PCCA: variants seen among roughly 807,000 people sequenced by gnomAD.
PCCA encodes the protein propionyl-CoA carboxylase alpha chain, mitochondrial.
A neutral mutation model predicts 101.3 loss-of-function variants in PCCA; 74 were observed. The ratio of observed to expected loss-of-function variants is 0.73; its 90% confidence interval spans 0.61 to 0.89. The LOEUF (loss-of-function observed/expected upper bound fraction) is 0.89, where lower values mean the gene tolerates loss of function less well. Among genes scored for constraint, PCCA ranks in the 40% least tolerant of loss-of-function variants. PCCA has a pLI of 0.00. For missense variants in PCCA, 891 were observed against 907.0 expected, an observed-to-expected ratio of 0.98 and a Z score of 0.23; for synonymous variants, 294 against 313.6, an observed-to-expected ratio of 0.94 and a Z score of 0.66.
At chr13:100,254,291 G>C (rs1188005007) in intron 8 of PCCA, among the ~76,000 whole-genome samples, 2 of 152,112 alleles carry the variant, frequency 1.3e-5, no homozygotes. Flanking sequence ...GATTTGGGTG[G>C]GGACACAGAG....
chr13:100,152,220 G>T (rs183106915), intron 4 of PCCA, among the ~76,000 whole-genome samples: 7 of 152,252 alleles, frequency 4.6e-5, no homozygotes, highest in African/African-American at 1.2e-4. Context: ...CCTGAAGTAA[G>T]ATTTGTTCCT....
intron 16 of PCCA, among the ~76,000 whole-genome samples, chr13:100,327,510 T>C (rs2068829213): frequency 6.6e-6 from 1 of 152,244 alleles, no homozygotes. Flanking sequence ...GTTTTGATTA[T>C]AGTAAATAAA....
At chr13:100,137,804 C>CTTTTTTTTT (rs34819598) in intron 4 of PCCA, among the ~76,000 whole-genome samples, 2 of 144,370 alleles carry the variant, frequency 1.4e-5, no homozygotes, top group Non-Finnish European at 1.5e-5. Flanking sequence ...ATGTTTAAGT[C>CTTTTTTTTT]TTTTTTTTTT....
At chr13:100,399,892 T>C (rs2077234986) in intron 19 of PCCA, among the ~76,000 whole-genome samples, 1 of 152,146 alleles carries the variant, frequency 6.6e-6, no homozygotes, top group African/African-American at 2.4e-5. Context: ...CCCTTCCCAG[T>C]GCTCAGAGAA....
intron 19 of PCCA, among the ~76,000 whole-genome samples, chr13:100,386,806 T>C (rs2076534053): frequency 6.6e-6 from 1 of 152,232 alleles, no homozygotes; most frequent in African/African-American, 2.4e-5. Context: ...CTGGGACCCA[T>C]GGTTGCCTGT....
chr13:100,333,242 CTGTT>C (rs574363130), intron 17 of PCCA, among the ~76,000 whole-genome samples: 1 of 152,098 alleles, frequency 6.6e-6, no homozygotes, highest in African/African-American at 2.4e-5. Flanking sequence ...CGTCTTTTGA[CTGTT>C]TGATATATGT....
rs778427348 is a variant in PCCA at position 100,268,727 on chromosome 13, T to C, written c.858T>C (p.Asn286=). 2 of 1,614,156 alleles carry C rather than the reference T, an allele frequency of 1.2e-6. No homozygotes were observed. The highest frequency in any genetic ancestry group is 4.5e-5 in the East Asian group (2 of 44,890). The change falls in exon 11 of 24, where the codon AAT becomes AAC. Residue 286 remains asparagine, a synonymous_variant. Transcript: ENST00000376285. The part of the protein sequence containing the change: ...GDKHGNALWL[N]ERECSIQRRN... ...AACATGGGAATGCTTTATGGCTTAA[T>C]GAAAGAGAGTGCTCAATTCAGAGAA...
intron 21 of PCCA, among the ~76,000 whole-genome samples, chr13:100,506,328 C>T (rs961725482): frequency 6.6e-6 from 1 of 151,116 alleles, no homozygotes; most frequent in Non-Finnish European, 1.5e-5. Context: ...CTTAGGCAAC[C>T]CCCCTACCAG....
At chr13:100,242,327 A>G (rs2061190325) in intron 8 of PCCA, among the ~76,000 whole-genome samples, 1 of 152,242 alleles carries the variant, frequency 6.6e-6, no homozygotes, top group Admixed American at 6.5e-5. Context: ...AAAGAAGGGC[A>G]TTTTATATTG....
chr13:100,473,342 G>A (rs2083167733), intron 21 of PCCA: 3 of 152,120 alleles, frequency 2.0e-5, no homozygotes, highest in South Asian at 4.1e-4. Flanking sequence ...AGACCCAAAC[G>A]ATGTCAAACT....
At chr13:100,239,735 G>A (rs2061006642) in intron 8 of PCCA, among the ~76,000 whole-genome samples, 1 of 152,102 alleles carries the variant, frequency 6.6e-6, no homozygotes, top group South Asian at 2.1e-4. Flanking sequence ...AATAAATTGT[G>A]AATCTAAAAC....
At chr13:100,249,643 T>A (rs2061641840) in intron 8 of PCCA, among the ~76,000 whole-genome samples, 2 of 152,210 alleles carry the variant, frequency 1.3e-5, no homozygotes, top group African/African-American at 4.8e-5. Flanking sequence ...TTTAATTGTG[T>A]TCAACCTATA....
chr13:100,515,426 G>A lies in PCCA; in HGVS notation c.1900-1G>A, dbSNP rs2152998142. On this transcript the variant is annotated splice_acceptor_variant, in intron 21 of 23. Transcript: ENST00000376285. LOFTEE classifies it high-confidence loss of function. ...TGGTTTGGTTTTGTTTTTCCCTTAA[G>A]TACAAGGTGAATATCTTAACCAGAC... The A allele has an allele frequency of 6.2e-7, 1 of 1,613,908 alleles. No individual in the cohort carries two copies. The highest frequency in any genetic ancestry group is 1.1e-5 in the South Asian group (1 of 91,082).
intron 6 of PCCA, among the ~76,000 whole-genome samples, chr13:100,174,669 A>G (rs533367730): frequency 1.3e-5 from 2 of 150,180 alleles, no homozygotes; most frequent in Admixed American, 6.7e-5. Flanking sequence ...TGGAGGTTGC[A>G]GTGAGCCAAG....
intron 21 of PCCA, among the ~76,000 whole-genome samples, chr13:100,478,738 C>T (rs533110007): frequency 2.0e-5 from 3 of 152,276 alleles, no homozygotes; most frequent in South Asian, 2.1e-4. Context: ...CATGAACACT[C>T]GTCCTGGAAA....
intron 19 of PCCA, among the ~76,000 whole-genome samples, chr13:100,423,631 A>G (rs370765291): frequency 4.6e-5 from 7 of 152,134 alleles, no homozygotes; most frequent in African/African-American, 9.7e-5. Context: ...AATGTAGTGT[A>G]TTTTCTATCA....
chr13:100,437,030 A>T (rs1324636875), intron 20 of PCCA, among the ~76,000 whole-genome samples: 2 of 152,136 alleles, frequency 1.3e-5, no homozygotes, highest in African/African-American at 4.8e-5. Flanking sequence ...TGCTCTGGGT[A>T]GCACCTCGGC....
chr13:100,345,632 C>T lies in PCCA; in HGVS notation c.1643+5373C>T, dbSNP rs561614826. On this transcript the variant is annotated intron_variant, in intron 18 of 23. Transcript: ENST00000376285. The stretch of plus-strand genomic sequence containing the variant: ...ATCCAGAAGATCTCACTAGCATCAT[C>T]GATGAAGGTGGCTACACTGAACAGC... Among the ~76,000 whole-genome samples, 5 of 152,308 alleles carry T rather than the reference C, an allele frequency of 3.3e-5. No individual in the cohort carries two copies. The South Asian group carries it at 8.3e-4, about 25-fold the overall frequency.
intron 8 of PCCA, among the ~76,000 whole-genome samples, chr13:100,254,792 T>G (rs945229601): frequency 2.6e-5 from 4 of 151,956 alleles, no homozygotes; most frequent in African/African-American, 9.7e-5. Flanking sequence ...AAATTAAGAG[T>G]TAGTATCAGC....
Sources: allele counts gnomAD v4.1 joint callset (sites outside exome capture counted in the v4.1 genomes callset), GRCh38; gene constraint gnomAD v4.1.1; transcripts MANE v1.5; gene names NCBI Gene and HGNC (gene_info 2026-07-23, HGNC 2026-07-21).